The following RANBP2 variants were observed in gnomAD, a reference collection of about 807,000 sequenced individuals.
RANBP2 encodes the protein RAN binding protein 2, also known as E3 SUMO-protein ligase RanBP2.
A neutral mutation model predicts 303.6 loss-of-function variants in RANBP2; 57 were observed. The ratio of observed to expected loss-of-function variants is 0.19; its 90% CI spans 0.15 to 0.23. The LOEUF (loss-of-function observed/expected upper bound fraction) is 0.23. Among genes scored for constraint, RANBP2 ranks in the 10% least tolerant of loss-of-function variants. The pLI is 1.00. For missense variants in RANBP2, 3,138 were observed against 3,780.8 expected (o/e 0.83, Z 4.46); for synonymous variants, 1,167 against 1,301.5 (o/e 0.90, Z 2.23).
chr2:109,129,149 G>A, the RANBP2 span: 2 of 405,282 alleles, frequency 4.9e-6, no homozygotes, highest in Non-Finnish European at 9.5e-6. Flanking sequence ...GACCTGGCCG[G>A]CCGCTGCCCG....
intron 25 of RANBP2, among the ~76,000 whole-genome samples, chr2:108,778,113 A>G (rs188095410): frequency 1.3e-5 from 2 of 152,326 alleles, no homozygotes; most frequent in Admixed American, 1.3e-4. Flanking sequence ...GCAATATAGT[A>G]GGTACACTTA....
chr2:109,398,898 C>G, the RANBP2 span: 1 of 1,613,652 alleles, frequency 6.2e-7, no homozygotes, highest in Non-Finnish European at 8.5e-7. Context: ...GAGCCGCGGC[C>G]AGGATTGGAG....
At chr2:109,491,616 G>A in the RANBP2 span, among the ~76,000 whole-genome samples, 2 of 152,144 alleles carry the variant, frequency 1.3e-5, no homozygotes, top group African/African-American at 4.8e-5. Context: ...TTCACCTGGG[G>A]CTAGAGGCGT....
chr2:109,139,767 A>G, the RANBP2 span, among the ~76,000 whole-genome samples: 16 of 152,350 alleles, frequency 1.1e-4, no homozygotes, highest in African/African-American at 3.6e-4. Flanking sequence ...TCAGCAGCCC[A>G]TTGAACAATG....
the RANBP2 span, among the ~76,000 whole-genome samples, chr2:109,168,244 A>G: frequency 7.9e-4 from 121 of 152,330 alleles, 1 homozygote; most frequent in African/African-American, 2.7e-3. Flanking sequence ...TCAAAACTAT[A>G]CATTTTCACC....
chr2:109,206,316 C>G, the RANBP2 span, among the ~76,000 whole-genome samples: 8 of 151,806 alleles, frequency 5.3e-5, no homozygotes, highest in African/African-American at 1.9e-4. Context: ...TGGTGAAACC[C>G]TGTCTCTACT....
At chr2:109,555,540 G>A in the RANBP2 span, among the ~76,000 whole-genome samples, 1 of 152,286 alleles carries the variant, frequency 6.6e-6, no homozygotes, top group African/African-American at 2.4e-5. Flanking sequence ...TATTAGTAAA[G>A]AGCAAACTAT....
the RANBP2 span, among the ~76,000 whole-genome samples, chr2:109,420,822 C>G: frequency 6.6e-6 from 1 of 152,222 alleles, no homozygotes; most frequent in Non-Finnish European, 1.5e-5. Flanking sequence ...AGTAGCTCAG[C>G]TGCTGGCACA....
chr2:108,877,699 G>C, the RANBP2 span, among the ~76,000 whole-genome samples: 1 of 152,084 alleles, frequency 6.6e-6, no homozygotes, highest in African/African-American at 2.4e-5. Context: ...CAGAACAAGT[G>C]GAGCGGAAGC....
chr2:109,129,615 C>T, the RANBP2 span: 1 of 1,485,546 alleles, frequency 6.7e-7, no homozygotes, highest in East Asian at 2.8e-5. Flanking sequence ...GCGACGAGGA[C>T]AGGCCAGGCG....
At chr2:109,070,016 G>A in the RANBP2 span, among the ~76,000 whole-genome samples, 1 of 152,220 alleles carries the variant, frequency 6.6e-6, no homozygotes, top group Admixed American at 6.5e-5. Flanking sequence ...CATCTCAAAG[G>A]AAGGCCATTA....
intron 9 of RANBP2, among the ~76,000 whole-genome samples, chr2:108,750,392 A>C (rs1222931005): frequency 6.6e-6 from 1 of 152,192 alleles, no homozygotes; most frequent in African/African-American, 2.4e-5. Flanking sequence ...GTTAATAATC[A>C]TACTCTGATA....
the RANBP2 span, among the ~76,000 whole-genome samples, chr2:109,165,431 G>T: frequency 6.6e-6 from 1 of 152,148 alleles, no homozygotes; most frequent in South Asian, 2.1e-4. Flanking sequence ...CACCACCCCT[G>T]CTAGAAGGAA....
chr2:109,087,066 AC>A, the RANBP2 span, among the ~76,000 whole-genome samples: 1 of 152,010 alleles, frequency 6.6e-6, no homozygotes, highest in African/African-American at 2.4e-5. Flanking sequence ...GGGACAGGGG[AC>A]CCCCTGAAGA....
the RANBP2 span, chr2:108,912,699 G>C: frequency 6.3e-7 from 1 of 1,599,398 alleles, no homozygotes; most frequent in Non-Finnish European, 8.5e-7. Flanking sequence ...TGCTGGAAGG[G>C]AGACAGGGTG....
chr2:109,503,236 A>T, the RANBP2 span: 1 of 152,166 alleles, frequency 6.6e-6, no homozygotes, highest in African/African-American at 2.4e-5. Flanking sequence ...TACCATTCAG[A>T]CTTAAATTAA....
chr2:109,727,460 C>T, the RANBP2 span, among the ~76,000 whole-genome samples: 8 of 152,188 alleles, frequency 5.3e-5, no homozygotes, highest in African/African-American at 1.7e-4. Flanking sequence ...AAGCCGAGTC[C>T]GTATCCTGGA....
chr2:109,437,217 A>G, the RANBP2 span: 3 of 1,516,402 alleles, frequency 2.0e-6, no homozygotes, highest in Non-Finnish European at 2.7e-6. Flanking sequence ...TGTGAGACAC[A>G]TCTTGGCCCA....
chr2:109,136,081 C>T, the RANBP2 span, among the ~76,000 whole-genome samples: 1 of 152,186 alleles, frequency 6.6e-6, no homozygotes, highest in Non-Finnish European at 1.5e-5. Context: ...ATTGTTTCTT[C>T]CTCCTGGCTT....
Sources: allele counts gnomAD v4.1 joint callset (sites outside exome capture counted in the v4.1 genomes callset), GRCh38; gene constraint gnomAD v4.1.1; transcripts MANE v1.5; gene names NCBI Gene and HGNC (gene_info 2026-07-23, HGNC 2026-07-21).